WASHC3: variants seen among roughly 807,000 people sequenced by gnomAD.
WASHC3 encodes the protein WASH complex subunit CCDC53.
WASHC3 carries 24 observed loss-of-function variants against 26.1 expected under a neutral mutation model. The ratio of observed to expected loss-of-function variants is 0.92; its 90% confidence interval spans 0.66 to 1.29. The LOEUF (loss-of-function observed/expected upper bound fraction) is 1.29, where lower values mean the gene tolerates loss of function less well. Ranked by LOEUF, WASHC3 falls within the 50% of genes most tolerant of loss-of-function variation. The pLI is 0.00. For missense variants in WASHC3, 214 were observed against 229.6 expected (o/e 0.93, Z 0.44); for synonymous variants, 77 against 75.7 (o/e 1.02, Z -0.09).
chr12:102,018,027 C>T (rs1328763663), intron 6 of WASHC3, among the ~76,000 whole-genome samples: 1 of 152,144 alleles, frequency 6.6e-6, no homozygotes, highest in Non-Finnish European at 1.5e-5. Flanking sequence ...AATTTGACTA[C>T]TCTAGATGCC....
intron 6 of WASHC3, among the ~76,000 whole-genome samples, chr12:102,014,618 A>C (rs1876620768): frequency 6.6e-6 from 1 of 152,220 alleles, no homozygotes; most frequent in Admixed American, 6.5e-5. Context: ...CTAGTTGTCA[A>C]ATATAAACCC....
chr12:102,042,543 T>TTAAG (rs1877982322), intron 4 of WASHC3, among the ~76,000 whole-genome samples: 2 of 152,208 alleles, frequency 1.3e-5, no homozygotes, highest in Admixed American at 1.3e-4. Flanking sequence ...CTTTTCGACC[T>TTAAG]TCAGCAAGTT....
At chr12:102,048,206 G>T (rs1878242024) in intron 2 of WASHC3, 1 of 151,466 alleles carries the variant, frequency 6.6e-6, no homozygotes, top group Admixed American at 6.6e-5. Context: ...GAACTAGGAT[G>T]AGAGAAAAAA....
intron 6 of WASHC3, among the ~76,000 whole-genome samples, chr12:102,019,121 T>G (rs1365445302): frequency 1.3e-5 from 2 of 152,076 alleles, no homozygotes; most frequent in African/African-American, 4.8e-5. Flanking sequence ...TTCAAAAAAT[T>G]GGAATTGCCA....
intron 6 of WASHC3, among the ~76,000 whole-genome samples, chr12:102,020,414 T>C (rs1037376312): frequency 6.6e-6 from 1 of 152,168 alleles, no homozygotes; most frequent in Non-Finnish European, 1.5e-5. Context: ...CTAGTTTGAG[T>C]TGGTTTCTGC....
intron 6 of WASHC3, among the ~76,000 whole-genome samples, chr12:102,020,703 T>C (rs1166329379): frequency 6.6e-6 from 1 of 152,162 alleles, no homozygotes. Flanking sequence ...AAATCACTGA[T>C]GGAAACTACA....
chr12:102,035,625 T>C (rs79731581), intron 5 of WASHC3, among the ~76,000 whole-genome samples: 1 of 152,176 alleles, frequency 6.6e-6, no homozygotes, highest in Non-Finnish European at 1.5e-5. Flanking sequence ...CATATCCAGG[T>C]AGCACAAAGT....
chr12:102,030,155 A>AGTG (rs1877372405), intron 5 of WASHC3, among the ~76,000 whole-genome samples: 1 of 151,842 alleles, frequency 6.6e-6, no homozygotes, highest in Non-Finnish European at 1.5e-5. Flanking sequence ...ATTAGCCAGG[A>AGTG]GTGGTGGCAC....
intron 6 of WASHC3, among the ~76,000 whole-genome samples, chr12:102,018,703 C>T (rs1876816903): frequency 6.6e-6 from 1 of 152,216 alleles, no homozygotes; most frequent in African/African-American, 2.4e-5. Context: ...CTCCTGGCTT[C>T]AAGTGATTCT....
At chr12:102,019,759 TCTAAA>T (rs759365184) in intron 6 of WASHC3, among the ~76,000 whole-genome samples, 3 of 152,218 alleles carry the variant, frequency 2.0e-5, no homozygotes, top group Non-Finnish European at 4.4e-5. Flanking sequence ...AATTACTAAG[TCTAAA>T]CTATCTTAAA....
In WASHC3 at chr12:102,037,357, TG is replaced by T. The variant is rs1193902019; in HGVS notation, c.435+2510del. On this transcript the variant is annotated intron_variant, in intron 5 of 6. Transcript: ENST00000240079. ...TAAATACATAAAATATGTAGAATGC[TG>T]GAAGTTGATAAGAAGAAAAATACAG... Among the ~76,000 whole-genome samples, 13 of 152,160 alleles carry T rather than the reference TG, an allele frequency of 8.5e-5. No homozygotes were observed. In the East Asian group the frequency reaches 2.3e-3, roughly 27 times the overall value.
chr12:102,038,400 A>G (rs73382849), intron 5 of WASHC3, among the ~76,000 whole-genome samples: 1 of 152,234 alleles, frequency 6.6e-6, no homozygotes, highest in African/African-American at 2.4e-5. Flanking sequence ...GCATTTTTAC[A>G]GAGTATCACC....
rs1337900730 is a variant in WASHC3 at position 102,044,131 on chromosome 12, G to C, written c.298C>G (p.Pro100Ala). 6.2e-7 allele frequency: 1 copy of C among 1,606,470 alleles called. No homozygotes were observed. Among genetic ancestry groups the C allele is most frequent in the Non-Finnish European group, 8.5e-7 (1 of 1,175,380 alleles). ...TGTGGTTGCTCTGAAGTGGCTTCAG[G>C]ATGTGCTCCATTTGTGACACTGGTG... ...NVTSVTNGAHPEATSEQPQQN... is the reference protein window; with the variant it reads ...NVTSVTNGAHAEATSEQPQQN... The change falls in exon 4 of 7, where the codon CCT becomes GCT. Residue 100 changes from proline to alanine, a missense_variant. Transcript: ENST00000240079.
intron 6 of WASHC3, among the ~76,000 whole-genome samples, chr12:102,014,022 T>C (rs1246187282): frequency 6.6e-6 from 1 of 150,826 alleles, no homozygotes; most frequent in East Asian, 1.9e-4. Flanking sequence ...GCAAGAAAAG[T>C]ATTTTTGGGG....
chr12:102,032,862 T>A (rs946691066), intron 5 of WASHC3, among the ~76,000 whole-genome samples: 2 of 152,102 alleles, frequency 1.3e-5, no homozygotes, highest in Admixed American at 6.6e-5. Context: ...AAGAACAACT[T>A]TTCTTTCATT....
At position 102,045,125 on chromosome 12, in the gene WASHC3, A is replaced by G. The variant is rs575477485; in HGVS notation, c.217-913T>C. Among the ~76,000 whole-genome samples the G allele has an allele frequency of 1.3e-3, 193 of 152,324 alleles. 1 individual carries two copies. The highest frequency in any genetic ancestry group is 4.4e-3 in the African/African-American group (184 of 41,584). On this transcript the variant is annotated intron_variant, in intron 3 of 6. Transcript: ENST00000240079. ...ATAATTAAAAAAAAAACCAATGGTA[A>G]TAAGATCTCAAGCAGCAATACTCAT...
intron 5 of WASHC3, among the ~76,000 whole-genome samples, chr12:102,038,526 TTTGTTG>T (rs558742136): frequency 7.2e-5 from 11 of 151,980 alleles, no homozygotes; most frequent in East Asian, 1.9e-4. Context: ...TGAAATAGTT[TTTGTTG>T]TTGTTGTTGT....
intron 6 of WASHC3, among the ~76,000 whole-genome samples, chr12:102,016,011 T>G (rs1176013968): frequency 1.3e-5 from 2 of 152,114 alleles, no homozygotes; most frequent in African/African-American, 4.8e-5. Context: ...TGTCTCAGTC[T>G]CCTGAGTAGC....
chr12:102,033,344 AAC>A (rs1451409932), intron 5 of WASHC3, among the ~76,000 whole-genome samples: 1 of 152,192 alleles, frequency 6.6e-6, no homozygotes, highest in East Asian at 1.9e-4. Flanking sequence ...GGTCTTGAAA[AAC>A]ACAATTCTAT....
Sources: allele counts gnomAD v4.1 joint callset (sites outside exome capture counted in the v4.1 genomes callset), GRCh38; gene constraint gnomAD v4.1.1; transcripts MANE v1.5; gene names NCBI Gene and HGNC (gene_info 2026-07-23, HGNC 2026-07-21).